The following PTPN22 variants were observed in gnomAD, a reference collection of about 807,000 sequenced individuals.
PTPN22 encodes the protein protein tyrosine phosphatase non-receptor type 22, also known as tyrosine-protein phosphatase non-receptor type 22.
A neutral mutation model predicts 103.3 loss-of-function variants in PTPN22; 85 were observed. That is an observed-to-expected ratio of 0.82 (90% CI 0.69 to 0.99). PTPN22 has a LOEUF of 0.99. Among genes scored for constraint, PTPN22 ranks in the 50% least tolerant of loss-of-function variants. PTPN22 has a pLI of 0.00. For missense variants in PTPN22, 865 were observed against 936.9 expected, an observed-to-expected ratio of 0.92 and a Z score of 1.00; for synonymous variants, 323 against 310.2, an observed-to-expected ratio of 1.04 and a Z score of -0.43.
At chr1:113,819,382 C>A (rs1403681638) in intron 20 of PTPN22, 195 bp downstream of exon 20, 1 of 335,688 alleles carries the variant, frequency 3.0e-6, no homozygotes, top group Non-Finnish European at 5.3e-6. Context: ...TCCACATATA[C>A]TAGATAATTT....
At chr1:113,839,477 C>T (rs969912715) in intron 11 of PTPN22, among the ~76,000 whole-genome samples, 1 of 151,824 alleles carries the variant, frequency 6.6e-6, no homozygotes, top group African/African-American at 2.4e-5. Context: ...GCGGTGTTGA[C>T]CTCCTGGGTT....
chr1:113,846,737 G>C (rs1454886790), intron 11 of PTPN22, among the ~76,000 whole-genome samples: 2 of 152,080 alleles, frequency 1.3e-5, no homozygotes, highest in Admixed American at 6.6e-5. Context: ...TAAAACTCTG[G>C]ATTGACAGTT....
chr1:113,826,984 A>C (rs1662138565), intron 18 of PTPN22, among the ~76,000 whole-genome samples: 1 of 152,142 alleles, frequency 6.6e-6, no homozygotes, highest in Non-Finnish European at 1.5e-5. Context: ...TCTCTAATTT[A>C]TCTCTTCAAG....
chr1:113,862,250 T>A (rs1354557182), intron 1 of PTPN22, among the ~76,000 whole-genome samples: 1 of 151,820 alleles, frequency 6.6e-6, no homozygotes, highest in Non-Finnish European at 1.5e-5. Context: ...ACCACTGCAC[T>A]CCAGCCTGGG....
At chr1:113,864,190 G>A (rs1275945700) in intron 1 of PTPN22, 2 of 434,988 alleles carry the variant, frequency 4.6e-6, no homozygotes, top group South Asian at 1.6e-5. Flanking sequence ...GTGCTAATAA[G>A]AACTTACAAT....
At chr1:113,844,437 G>C (rs1172842904) in intron 11 of PTPN22, among the ~76,000 whole-genome samples, 1 of 152,226 alleles carries the variant, frequency 6.6e-6, no homozygotes, top group African/African-American at 2.4e-5. Flanking sequence ...CTGGGTGATA[G>C]AGTGAAACTC....
At position 113,829,577 on chromosome 1, in the gene PTPN22, T is replaced by G; in HGVS notation, c.2250+15A>C. 6.8e-7 allele frequency: 1 copy of G among 1,479,668 alleles called. No homozygotes were observed. The highest frequency in any genetic ancestry group is 9.2e-7 in the Non-Finnish European group (1 of 1,084,120). 91.7% of individuals were successfully genotyped at this position (1,479,668 alleles called of 1,614,324 possible). ...AAGTTTCCGGCATGTTTCCCAAAAC[T>G]CTTATCTTCTTTACCTTACTCCTTG... On this transcript the variant is annotated intron_variant, in intron 18 of 20. Transcript: ENST00000359785.
At chr1:113,857,776 T>G in exon 5 of PTPN22, 1 of 1,609,194 alleles carries the variant, frequency 6.2e-7, no homozygotes, top group Non-Finnish European at 8.5e-7. Flanking sequence ...ATAACAATGA[T>G]CTGGGGGATG....
At chr1:113,857,292 A>G (rs1665164589) in intron 5 of PTPN22, among the ~76,000 whole-genome samples, 1 of 152,188 alleles carries the variant, frequency 6.6e-6, no homozygotes, top group South Asian at 2.1e-4. Context: ...CACATACTCA[A>G]ACAGCTTTCT....
At chr1:113,816,317 C>CA (rs1315830246) in intron 20 of PTPN22, among the ~76,000 whole-genome samples, 1 of 149,866 alleles carries the variant, frequency 6.7e-6, no homozygotes, top group African/African-American at 2.5e-5. Flanking sequence ...TACAAAAAAA[C>CA]ACAAAAAAAT....
At chr1:113,820,479 T>A (rs751073074) in intron 19 of PTPN22, among the ~76,000 whole-genome samples, 4 of 151,930 alleles carry the variant, frequency 2.6e-5, no homozygotes, top group Non-Finnish European at 5.9e-5. Context: ...ACATAATAAT[T>A]ATTATTATTT....
At chr1:113,870,701 A>G (rs1163571900) in intron 1 of PTPN22, among the ~76,000 whole-genome samples, 1 of 152,138 alleles carries the variant, frequency 6.6e-6, no homozygotes, top group Non-Finnish European at 1.5e-5. Flanking sequence ...CACATGTTAT[A>G]ATATATTTTT....
chr1:113,832,091 A>G (rs567941401), intron 16 of PTPN22, among the ~76,000 whole-genome samples: 1 of 152,196 alleles, frequency 6.6e-6, no homozygotes, highest in Non-Finnish European at 1.5e-5. Context: ...AGGAGAAAGT[A>G]TGTAATTTAA....
chr1:113,819,007 A>C (rs535276065), intron 20 of PTPN22, among the ~76,000 whole-genome samples: 86 of 152,338 alleles, frequency 5.6e-4, no homozygotes, highest in Middle Eastern at 3.4e-3. Context: ...GCCTACCACT[A>C]ATTGCTATTC....
chr1:113,869,955 C>T (rs964354630), intron 1 of PTPN22, among the ~76,000 whole-genome samples: 4 of 152,094 alleles, frequency 2.6e-5, no homozygotes, highest in African/African-American at 7.2e-5. Context: ...GAGCTGACAT[C>T]GGAGTTCCTA....
chr1:113,836,808 C>G (rs1663060957), intron 13 of PTPN22, among the ~76,000 whole-genome samples: 1 of 151,618 alleles, frequency 6.6e-6, no homozygotes, highest in African/African-American at 2.4e-5. Flanking sequence ...TCCCTGTGGT[C>G]CCAGCTACTT....
chr1:113,851,716 T>A (rs1416238075), intron 10 of PTPN22, among the ~76,000 whole-genome samples: 4 of 152,214 alleles, frequency 2.6e-5, no homozygotes, highest in Admixed American at 2.0e-4. Context: ...CCTAGCTATT[T>A]CAAGTCCACA....
Position 113,853,704 on chromosome 1 carries a change from C to T in PTPN22, c.750+767G>A, listed in dbSNP as rs540307585. Among the ~76,000 whole-genome samples, 302 of 150,820 alleles carry T rather than the reference C, an allele frequency of 2.0e-3. 1 individual carries two copies. Among genetic ancestry groups the T allele is most frequent in the Non-Finnish European group, 3.5e-3 (239 of 67,716 alleles). On this transcript the variant is annotated intron_variant, in intron 9 of 20. Transcript: ENST00000359785. ...TATTTTTATTTTTATTTTTTTGAGA[C>T]GGAGTCTCTCTCTGTCACCCAGGCT...
chr1:113,854,653 T>A (rs1664891706), intron 8 of PTPN22, 116 bp from the exon 9 acceptor site: 1 of 1,143,810 alleles, frequency 8.7e-7, no homozygotes, highest in East Asian at 2.5e-5. Context: ...TGGGGACAAT[T>A]AAACTTTCCA....
Sources: gnomAD v4.1 joint callset for allele counts (sites outside exome capture counted in the v4.1 genomes callset) on GRCh38, gnomAD v4.1.1 for gene constraint, MANE v1.5 for transcripts, NCBI Gene and HGNC (gene_info 2026-07-23, HGNC 2026-07-21) for gene names.